Variants in ASPH observed in about 807,000 individuals in gnomAD.
ASPH encodes aspartyl/asparaginyl beta-hydroxylase.
Under a neutral mutation model 118.4 loss-of-function variants are expected in ASPH, and 100 were observed. The ratio of observed to expected loss-of-function variants is 0.84; its 90% CI spans 0.72 to 1.00. The LOEUF (loss-of-function observed/expected upper bound fraction) is 1.00, where lower values mean the gene tolerates loss of function less well. ASPH is among the 50% of genes least tolerant of loss of function. The pLI, the probability that ASPH is intolerant of heterozygous loss-of-function variation, is 0.00. For missense variants in ASPH, 920 were observed against 919.5 expected (o/e 1.00, Z -0.01); for synonymous variants, 315 against 325.6 (o/e 0.97, Z 0.35).
At chr8:61,528,572 T>A (rs533645241) in intron 21 of ASPH, among the ~76,000 whole-genome samples, 1 of 149,856 alleles carries the variant, frequency 6.7e-6, no homozygotes, top group East Asian at 2.0e-4. Context: ...TAAAGCTGAT[T>A]TAGGGGCATG....
chr8:61,574,021 C>T (rs1834310715), intron 16 of ASPH, among the ~76,000 whole-genome samples: 1 of 152,112 alleles, frequency 6.6e-6, no homozygotes, highest in African/African-American at 2.4e-5. Context: ...CAAACAACCC[C>T]ATCAAAAAGT....
chr8:61,690,582 C>A (rs1832338149), intron 1 of ASPH, among the ~76,000 whole-genome samples: 1 of 152,068 alleles, frequency 6.6e-6, no homozygotes, highest in Non-Finnish European at 1.5e-5. Context: ...ATTCACTGAT[C>A]TAACATTAGC....
At chr8:61,635,461 C>A (rs191605697) in intron 12 of ASPH, among the ~76,000 whole-genome samples, 3 of 152,116 alleles carry the variant, frequency 2.0e-5, no homozygotes, top group Admixed American at 1.3e-4. Context: ...CATATTCAAC[C>A]CCCCACTTGA....
At chr8:61,693,582 C>T (rs1432158193) in intron 1 of ASPH, among the ~76,000 whole-genome samples, 1 of 152,288 alleles carries the variant, frequency 6.6e-6, no homozygotes, top group South Asian at 2.1e-4. Flanking sequence ...CCTGCTTAGA[C>T]AGACTCCCAC....
At position 61,646,828 on chromosome 8, in the gene ASPH, G is replaced by C; in HGVS notation, c.541C>G (p.Gln181Glu). ...QEDGPTGEPQQEDDEFLMATD... is the reference protein window; with the variant it reads ...QEDGPTGEPQEEDDEFLMATD... ...GCCATAAGAAACTCATCATCCTCTT[G>C]TTGTGGTTCTCCTGTGGGTCCATCT... is the stretch of plus-strand genomic sequence containing the variant. Residue 181 changes from glutamine to glutamate, a missense_variant, in exon 6 of 25, where the codon CAA becomes GAA. Coordinates refer to ENST00000379454, the MANE Select transcript of ASPH (RefSeq NM_004318.4). 1 of 1,613,872 alleles carries C rather than the reference G, an allele frequency of 6.2e-7. No homozygotes were observed. Among genetic ancestry groups the C allele is most frequent in the Non-Finnish European group, 8.5e-7 (1 of 1,179,872 alleles).
chr8:61,634,752 A>G lies in ASPH; in HGVS notation c.890-1025T>C, dbSNP rs189956108. Among the ~76,000 whole-genome samples the G allele has an allele frequency of 4.3e-4, 65 of 152,318 alleles. No individual in the cohort carries two copies. The East Asian group carries it at 0.012, about 29-fold the overall frequency. ...TATTAACACTTTATCAACTTTGCCA[A>G]TATTTTTCTCAGAATTTCTTTTACT... On this transcript the variant is annotated intron_variant, in intron 12 of 24. Transcript: ENST00000379454.
intron 3 of ASPH, among the ~76,000 whole-genome samples, chr8:61,671,122 A>G (rs1163215856): frequency 6.6e-6 from 1 of 152,188 alleles, no homozygotes; most frequent in Non-Finnish European, 1.5e-5. Context: ...AGGGGAAAAA[A>G]TATTAGTTTG....
At chr8:61,648,364 G>A (rs922520098) in intron 5 of ASPH, among the ~76,000 whole-genome samples, 4 of 152,152 alleles carry the variant, frequency 2.6e-5, no homozygotes. Flanking sequence ...AGGTGTTAGA[G>A]AATCAGGCAG....
At position 61,646,803 on chromosome 8, in the gene ASPH, G is replaced by A. The variant is rs143436295; in HGVS notation, c.566C>T (p.Ala189Val). 79 of 1,613,558 alleles carry A rather than the reference G, an allele frequency of 4.9e-5. No individual in the cohort carries two copies. The African/African-American group carries it at 8.3e-4, about 17-fold the overall frequency. ...CTCAAATCTATCATCTACATCAGTC[G>A]CCATAAGAAACTCATCATCCTCTTG... The part of the protein sequence containing the change: ...PQQEDDEFLM[A>V]TDVDDRFETL... The change falls in exon 6 of 25, where the codon GCG (alanine) becomes GTG (valine). Residue 189 changes from alanine (A) to valine (V), a missense_variant. Coordinates refer to ENST00000379454, the MANE Select transcript of ASPH (RefSeq NM_004318.4).
chr8:61,599,263 TG>T (rs1421435151), intron 14 of ASPH, among the ~76,000 whole-genome samples: 1 of 151,946 alleles, frequency 6.6e-6, no homozygotes, highest in Non-Finnish European at 1.5e-5. Flanking sequence ...AGATGGGAAT[TG>T]AACAATGAGA....
At chr8:61,563,898 T>C (rs1830790925) in intron 17 of ASPH, among the ~76,000 whole-genome samples, 2 of 152,238 alleles carry the variant, frequency 1.3e-5, no homozygotes, top group South Asian at 4.1e-4. Context: ...GGAACCCTGT[T>C]GTGTTGTGAC....
intron 14 of ASPH, among the ~76,000 whole-genome samples, chr8:61,594,908 C>G (rs191362360): frequency 1.3e-5 from 2 of 152,232 alleles, no homozygotes; most frequent in East Asian, 3.9e-4. Flanking sequence ...AATCCTATGT[C>G]TGAACTATCT....
intron 12 of ASPH, among the ~76,000 whole-genome samples, chr8:61,634,656 T>C (rs1216164361): frequency 1.3e-5 from 2 of 152,328 alleles, no homozygotes; most frequent in East Asian, 3.9e-4. Flanking sequence ...ACAGTGACTA[T>C]TGAATAGCTA....
At chr8:61,570,885 T>C (rs975121424) in intron 16 of ASPH, among the ~76,000 whole-genome samples, 3 of 152,232 alleles carry the variant, frequency 2.0e-5, no homozygotes, top group Admixed American at 6.5e-5. Flanking sequence ...ATTGAGTTTA[T>C]ATTTTAATAT....
intron 16 of ASPH, among the ~76,000 whole-genome samples, chr8:61,574,562 G>A (rs569092292): frequency 2.0e-3 from 298 of 152,264 alleles, no homozygotes; most frequent in African/African-American, 6.8e-3. Flanking sequence ...CGTGGATGAA[G>A]CTGGAAACCA....
At chr8:61,662,540 G>A (rs1817436418) in intron 3 of ASPH, among the ~76,000 whole-genome samples, 1 of 152,144 alleles carries the variant, frequency 6.6e-6, no homozygotes. Flanking sequence ...AAAACTGAGA[G>A]TGCAATGCAT....
chr8:61,570,088 G>A (rs549544660), intron 16 of ASPH, among the ~76,000 whole-genome samples: 7 of 152,226 alleles, frequency 4.6e-5, no homozygotes, highest in South Asian at 2.1e-4. Context: ...TGAAAACGTC[G>A]TAAGTCAAAA....
intron 15 of ASPH, among the ~76,000 whole-genome samples, chr8:61,578,044 C>T (rs112976695): frequency 1.3e-5 from 2 of 152,208 alleles, no homozygotes; most frequent in African/African-American, 4.8e-5. Context: ...GTCCCATCCA[C>T]TTAGAAGCCT....
chr8:61,650,955 T>A (rs1016361633), intron 5 of ASPH, 95 bp downstream of exon 5: 1 of 1,302,026 alleles, frequency 7.7e-7, no homozygotes, highest in African/African-American at 1.5e-5. Flanking sequence ...AAACACCCAA[T>A]TAACCTTTAA....
Sources: allele counts gnomAD v4.1 joint callset (sites outside exome capture counted in the v4.1 genomes callset), GRCh38; gene constraint gnomAD v4.1.1; transcripts MANE v1.5; gene names NCBI Gene and HGNC (gene_info 2026-07-23, HGNC 2026-07-21).